Variants in DPYSL2 observed in about 807,000 individuals in gnomAD.
DPYSL2 encodes dihydropyrimidinase like 2, also known as dihydropyrimidinase-related protein 2.
DPYSL2 carries 13 observed loss-of-function variants against 69.9 expected under a neutral mutation model. That is an observed-to-expected ratio of 0.19 (90% CI 0.12 to 0.30). DPYSL2 has a LOEUF of 0.30. DPYSL2 is among the 10% of genes least tolerant of loss of function. The probability of loss-of-function intolerance (pLI) is 1.00; values close to 1 mark genes in which losing one functional copy is unlikely to be tolerated. For missense variants in DPYSL2, 587 were observed against 918.9 expected, an observed-to-expected ratio of 0.64 and a Z score of 4.67; for synonymous variants, 326 against 359.1, an observed-to-expected ratio of 0.91 and a Z score of 1.04.
At chr8:26,543,648 C>T (rs188051933) in intron 1 of DPYSL2, among the ~76,000 whole-genome samples, 234 of 152,190 alleles carry the variant, frequency 1.5e-3, no homozygotes, top group Non-Finnish European at 2.7e-3. Context: ...CCACCACGCC[C>T]AGCTAATTTT....
At chr8:26,553,858 C>T (rs115776486) in intron 1 of DPYSL2, among the ~76,000 whole-genome samples, 1 of 149,600 alleles carries the variant, frequency 6.7e-6, no homozygotes, top group Admixed American at 6.7e-5. Context: ...ACAAGTGTTC[C>T]ATTTTCTCTG....
chr8:26,609,083 C>T lies in DPYSL2; in HGVS notation c.629-15060C>T, dbSNP rs546693238. ...GGTGGAGTGGGTGTCCATTTGCTGACGAGCACCCTGTGTACACGCTAGTTT... is the reference window on the plus strand; with the variant it reads ...GGTGGAGTGGGTGTCCATTTGCTGATGAGCACCCTGTGTACACGCTAGTTT... On this transcript the variant is annotated intron_variant, in intron 3 of 13. Coordinates refer to ENST00000521913, the MANE Select transcript of DPYSL2 (RefSeq NM_001197293.3). The surrounding 1 kb of genome is among the most constrained non-coding windows in gnomAD (Gnocchi z 6.5). Among the ~76,000 whole-genome samples, 2 of 152,292 alleles carry T rather than the reference C, an allele frequency of 1.3e-5. No individual in the cohort carries two copies. The highest frequency in any genetic ancestry group is 2.4e-5 in the African/African-American group (1 of 41,550).
At chr8:26,527,353 G>A (rs984390476) in intron 1 of DPYSL2, among the ~76,000 whole-genome samples, 1 of 152,142 alleles carries the variant, frequency 6.6e-6, no homozygotes, top group Non-Finnish European at 1.5e-5. Context: ...ATAATTTCCT[G>A]AAAATTTTTT....
intron 1 of DPYSL2, among the ~76,000 whole-genome samples, chr8:26,528,334 GA>G (rs2117607975): frequency 6.6e-6 from 1 of 152,152 alleles, no homozygotes; most frequent in East Asian, 1.9e-4. Context: ...GAGACACACA[GA>G]TATGTAAATG....
chr8:26,544,559 T>C (rs1008756251), intron 1 of DPYSL2, among the ~76,000 whole-genome samples: 2 of 152,246 alleles, frequency 1.3e-5, no homozygotes, highest in Non-Finnish European at 2.9e-5. Flanking sequence ...AAGCTACACA[T>C]GTAACAACGG....
At chr8:26,527,440 A>G (rs974752840) in intron 1 of DPYSL2, among the ~76,000 whole-genome samples, 26 of 152,088 alleles carry the variant, frequency 1.7e-4, no homozygotes, top group Non-Finnish European at 3.5e-4. Flanking sequence ...TTTATCTTCA[A>G]TTCAGGTGAA....
At chr8:26,549,608 C>G (rs1239191091) in intron 1 of DPYSL2, among the ~76,000 whole-genome samples, 1 of 152,068 alleles carries the variant, frequency 6.6e-6, no homozygotes, top group African/African-American at 2.4e-5. Context: ...AAATCTATCC[C>G]TGGGCATATC....
Position 26,590,469 on chromosome 8 carries a change from GGTGTC to G in DPYSL2, c.628+6487_628+6491del, listed in dbSNP as rs1585529710. Among the ~76,000 whole-genome samples, 3 of 140,100 alleles carry G rather than the reference GGTGTC, an allele frequency of 2.1e-5. 1 individual carries two copies. Among genetic ancestry groups the G allele is most frequent in the Admixed American group, 1.4e-4 (2 of 14,038 alleles). The allele number at this position is 140,100 out of a possible 152,430, so 91.9% of individuals were successfully genotyped here. A position where few individuals can be genotyped will look rare whatever the true frequency, so the allele number is the denominator to read the frequency against. On this transcript the variant is annotated intron_variant, in intron 3 of 13. Transcript: ENST00000521913. Reference sequence around the variant, plus strand: ...GACTGGAAGAATCCATCCACCCTCAGGTGTCACTGCGTGAATCTCGGCCTTGAACG... The same window carrying G: ...GACTGGAAGAATCCATCCACCCTCAGACTGCGTGAATCTCGGCCTTGAACG...
chr8:26,632,301 T>G (rs924965928), intron 7 of DPYSL2, among the ~76,000 whole-genome samples: 1 of 152,194 alleles, frequency 6.6e-6, no homozygotes, highest in Non-Finnish European at 1.5e-5. Flanking sequence ...TGATCCTTTC[T>G]GAAGGGACTG....
In DPYSL2 at chr8:26,582,648, C is replaced by G. The variant is rs1235915615; in HGVS notation, c.443+591C>G. The stretch of plus-strand genomic sequence containing the variant: ...ACAAAGGAGAAGCAACAGGGCAGTT[C>G]CTGAGTTTGGGTATTTTTGGACGCC... On this transcript the variant is annotated intron_variant, in intron 2 of 13. Transcript: ENST00000521913. The surrounding 1 kb of genome is among the most constrained non-coding windows in gnomAD (Gnocchi z 4.1). Among the ~76,000 whole-genome samples the G allele has an allele frequency of 6.6e-6, 1 of 152,190 alleles. No homozygotes were observed. The highest frequency in any genetic ancestry group is 1.5e-5 in the Non-Finnish European group (1 of 68,042).
intron 1 of DPYSL2, chr8:26,576,914 C>G: frequency 3.6e-6 from 1 of 280,190 alleles, no homozygotes; most frequent in Non-Finnish European, 7.0e-6. Flanking sequence ...CAGCGAAATG[C>G]GCTGCGCCCC....
intron 7 of DPYSL2, among the ~76,000 whole-genome samples, chr8:26,634,449 T>A (rs988500630): frequency 2.2e-4 from 32 of 146,096 alleles, no homozygotes; most frequent in South Asian, 4.3e-4. Flanking sequence ...TTTTTTTTTT[T>A]AATTGTATTT....
intron 1 of DPYSL2, among the ~76,000 whole-genome samples, chr8:26,546,990 C>CT (rs1242173529): frequency 1.4e-5 from 2 of 141,894 alleles, no homozygotes; most frequent in African/African-American, 5.2e-5. Context: ...ATCAACAACT[C>CT]TTTATCAGTC....
Position 26,556,240 on chromosome 8 carries a change from A to AGT in DPYSL2, c.355-25729_355-25728insGT, listed in dbSNP as rs1491539651. Among the ~76,000 whole-genome samples, 6 of 6,272 alleles carry AGT rather than the reference A, an allele frequency of 9.6e-4. 2 individuals are homozygous for AGT. Among genetic ancestry groups the AGT allele is most frequent in the Non-Finnish European group, 1.7e-3 (5 of 2,988 alleles). 4.1% of individuals were successfully genotyped at this position (6,272 alleles called of 152,430 possible). A position where few individuals can be genotyped will look rare whatever the true frequency, so the allele number is the denominator to read the frequency against. ...TATATAGTATATATAGTATTTATAT[A>AGT]ATATATATAGTATATATATACTATA... On this transcript the variant is annotated intron_variant, in intron 1 of 13. Transcript: ENST00000521913.
intron 1 of DPYSL2, among the ~76,000 whole-genome samples, chr8:26,524,563 C>A (rs956926170): frequency 6.6e-6 from 1 of 151,932 alleles, no homozygotes; most frequent in Non-Finnish European, 1.5e-5. Flanking sequence ...TTTGGAAGGT[C>A]AAGGTGGGCG....
chr8:26,602,204 ATAT>A (rs1249680093), intron 3 of DPYSL2, among the ~76,000 whole-genome samples: 9 of 149,840 alleles, frequency 6.0e-5, no homozygotes, highest in Admixed American at 2.7e-4. Flanking sequence ...GTATTAGATA[ATAT>A]TATTAAGACT....
chr8:26,606,005 T>C (rs1802099467), intron 3 of DPYSL2, among the ~76,000 whole-genome samples: 1 of 152,096 alleles, frequency 6.6e-6, no homozygotes, highest in African/African-American at 2.4e-5. Flanking sequence ...TTCAAAAAGG[T>C]CATAATGAAT....
At chr8:26,622,360 T>C (rs1172564024) in intron 3 of DPYSL2, among the ~76,000 whole-genome samples, 3 of 152,162 alleles carry the variant, frequency 2.0e-5, no homozygotes, top group South Asian at 4.2e-4. Flanking sequence ...ATACCAGATA[T>C]GTGTGTACCC....
intron 1 of DPYSL2, among the ~76,000 whole-genome samples, chr8:26,537,105 G>A (rs1007178005): frequency 1.3e-5 from 2 of 152,056 alleles, no homozygotes; most frequent in African/African-American, 4.8e-5. Context: ...AAATAGATTA[G>A]TTTATGGCTA....
Sources: gnomAD v4.1 joint callset for allele counts (sites outside exome capture counted in the v4.1 genomes callset) on GRCh38, gnomAD v4.1.1 for gene constraint, Gnocchi (gnomAD v3.1) non-coding constraint, MANE v1.5 for transcripts, NCBI Gene and HGNC (gene_info 2026-07-23, HGNC 2026-07-21) for gene names.